Variants in PTPRE observed in about 807,000 individuals in gnomAD.
PTPRE encodes the protein receptor-type tyrosine-protein phosphatase epsilon.
A neutral mutation model predicts 102.0 loss-of-function variants in PTPRE; 51 were observed. The observed-to-expected ratio is 0.50, with a 90% confidence interval of 0.40 to 0.63. The LOEUF (loss-of-function observed/expected upper bound fraction) is 0.63, where lower values mean the gene tolerates loss of function less well. PTPRE is among the 30% of genes least tolerant of loss of function. The probability of loss-of-function intolerance (pLI) is 0.00; values close to 1 mark genes in which losing one functional copy is unlikely to be tolerated. For synonymous variants in PTPRE, 345 were observed against 348.2 expected (o/e 0.99, Z 0.10); for missense variants, 752 against 915.1 (o/e 0.82, Z 2.30).
At chr10:127,993,945 G>C (rs532660611) in intron 2 of PTPRE, among the ~76,000 whole-genome samples, 1 of 152,262 alleles carries the variant, frequency 6.6e-6, no homozygotes, top group East Asian at 1.9e-4. Context: ...GCAGGAAGTG[G>C]ACAGTCAAGA....
chr10:127,973,598 A>C (rs1042468428), intron 1 of PTPRE, among the ~76,000 whole-genome samples: 3 of 152,106 alleles, frequency 2.0e-5, no homozygotes, highest in Non-Finnish European at 4.4e-5. Context: ...AATTTTCAGA[A>C]TCTTCCTGAG....
rs578133959 is a variant in PTPRE, at chr10:128,067,192, GCA to G, written c.844-924_844-923del. On this transcript the variant is annotated intron_variant, in intron 11 of 20. Coordinates refer to ENST00000254667, the MANE Select transcript of PTPRE (RefSeq NM_006504.6). ...CACACATGCACACATTCACACATGT[GCA>G]CACACATACACCCACACACATTCAC... 6.4e-3 allele frequency among the ~76,000 whole-genome samples: 801 copies of G among 125,076 alleles called. 5 individuals carry two copies. Among genetic ancestry groups the G allele is most frequent in the Middle Eastern group, 0.037 (8 of 214 alleles). 82.1% of individuals were successfully genotyped at this position (125,076 alleles called of 152,430 possible). A position where few individuals can be genotyped will look rare whatever the true frequency, so the allele number is the denominator to read the frequency against.
chr10:128,001,747 G>A (rs1377981734), intron 2 of PTPRE, among the ~76,000 whole-genome samples: 1 of 152,196 alleles, frequency 6.6e-6, no homozygotes, highest in Non-Finnish European at 1.5e-5. Flanking sequence ...TAACGTATGG[G>A]AAGGTTCTTA....
chr10:128,031,439 A>G (rs1028927728), intron 2 of PTPRE, among the ~76,000 whole-genome samples: 2 of 152,100 alleles, frequency 1.3e-5, no homozygotes, highest in East Asian at 1.9e-4. Context: ...CAACACTTCC[A>G]TTGTTTCACA....
At chr10:128,033,740 G>A (rs1185820586) in intron 2 of PTPRE, among the ~76,000 whole-genome samples, 1 of 152,190 alleles carries the variant, frequency 6.6e-6, no homozygotes, top group South Asian at 2.1e-4. Flanking sequence ...CGCCTCCCGG[G>A]TTCAAGCGAT....
chr10:127,953,059 A>C (rs1418102555), intron 1 of PTPRE, among the ~76,000 whole-genome samples: 1 of 152,126 alleles, frequency 6.6e-6, no homozygotes, highest in African/African-American at 2.4e-5. Flanking sequence ...TGCCTAGTGA[A>C]ACTATTTGGA....
intron 1 of PTPRE, among the ~76,000 whole-genome samples, chr10:127,910,236 C>G (rs189056274): frequency 2.0e-4 from 31 of 152,246 alleles, no homozygotes; most frequent in Admixed American, 3.9e-4. Context: ...ATGGCTTTGT[C>G]TTCCATAAAG....
intron 10 of PTPRE, among the ~76,000 whole-genome samples, chr10:128,064,134 G>A (rs1372081152): frequency 6.6e-6 from 1 of 152,198 alleles, no homozygotes; most frequent in African/African-American, 2.4e-5. Context: ...TTTTAGATGG[G>A]AGTACCAGGC....
chr10:128,061,547 C>A, intron 8 of PTPRE, 132 bp from the exon 9 acceptor site: 1 of 1,124,336 alleles, frequency 8.9e-7, no homozygotes. Context: ...GTTTTCTTTC[C>A]TTCTTAACCT....
chr10:128,002,665 T>C (rs1464556397), intron 2 of PTPRE, among the ~76,000 whole-genome samples: 2 of 148,990 alleles, frequency 1.3e-5, no homozygotes, highest in Non-Finnish European at 3.0e-5. Context: ...GTCTTTGCAG[T>C]GTTTGGGAGT....
intron 5 of PTPRE, among the ~76,000 whole-genome samples, chr10:128,049,006 C>T (rs1318566735): frequency 2.6e-5 from 4 of 152,164 alleles, no homozygotes; most frequent in African/African-American, 7.2e-5. Flanking sequence ...TCTCAATGCC[C>T]CTTGTCACCC....
At position 127,907,291 on chromosome 10, in the gene PTPRE, C is replaced by A; in HGVS notation, c.-49C>A. ...CTCCGCTGCAGCGCGATCTGCGCGA[C>A]CAGACCGGCCCCCCCGAGGTGAGCG... On this transcript the variant is annotated 5_prime_UTR_variant, in exon 1 of 21. Coordinates refer to ENST00000254667, the MANE Select transcript of PTPRE (RefSeq NM_006504.6). The surrounding 1 kb of genome is among the most constrained non-coding windows in gnomAD (Gnocchi z 4.8). 1.0e-6 allele frequency: 1 copy of A among 984,742 alleles called. No homozygotes were observed. The highest frequency in any genetic ancestry group is 1.1e-4 in the East Asian group (1 of 8,716). The allele number at this position is 984,742 out of a possible 1,614,324, so 61.0% of individuals were successfully genotyped here.
Position 128,083,066 on chromosome 10 carries a change from A to T in PTPRE, c.*160A>T, listed in dbSNP as rs988912642. The T allele has an allele frequency of 3.5e-6, 2 of 573,946 alleles. No individual in the cohort carries two copies. The highest frequency in any genetic ancestry group is 5.3e-6 in the Non-Finnish European group (2 of 377,712). The allele number at this position is 573,946 out of a possible 1,614,324, so 35.6% of individuals were successfully genotyped here. ...CTGCTATACAGTTGTTAAATCTTAAATATGCTTTTTAAAAATTGGAATAAT... is the reference window on the plus strand; with the variant it reads ...CTGCTATACAGTTGTTAAATCTTAATTATGCTTTTTAAAAATTGGAATAAT... On this transcript the variant is annotated 3_prime_UTR_variant, in exon 21 of 21. Transcript: ENST00000254667.
chr10:127,941,762 C>T (rs1209754355), intron 1 of PTPRE, among the ~76,000 whole-genome samples: 1 of 152,128 alleles, frequency 6.6e-6, no homozygotes, highest in East Asian at 1.9e-4. Flanking sequence ...ACTCCCACCC[C>T]CTCCATCTCA....
At chr10:127,949,070 C>T (rs1409720634) in intron 1 of PTPRE, among the ~76,000 whole-genome samples, 3 of 152,244 alleles carry the variant, frequency 2.0e-5, no homozygotes, top group East Asian at 3.8e-4. Flanking sequence ...AGTGCCCCAC[C>T]CTCAATCCAT....
intron 2 of PTPRE, among the ~76,000 whole-genome samples, chr10:128,038,935 C>T (rs529858318): frequency 2.6e-4 from 40 of 152,268 alleles, no homozygotes; most frequent in African/African-American, 7.9e-4. Context: ...TGAGCACTTC[C>T]GGACCTCAGT....
intron 18 of PTPRE, among the ~76,000 whole-genome samples, chr10:128,077,173 CCAAA>C (rs1431723486): frequency 2.6e-5 from 4 of 152,160 alleles, no homozygotes; most frequent in African/African-American, 9.7e-5. Flanking sequence ...ATGCTGAGCT[CCAAA>C]CAGTCAGTAT....
intron 3 of PTPRE, among the ~76,000 whole-genome samples, chr10:128,044,712 C>T (rs942259561): frequency 2.0e-5 from 3 of 152,156 alleles, no homozygotes; most frequent in African/African-American, 7.2e-5. Flanking sequence ...CTCTGTCCCA[C>T]CCCGTCAGAG....
intron 2 of PTPRE, among the ~76,000 whole-genome samples, chr10:127,992,369 C>T (rs969635878): frequency 1.3e-5 from 2 of 152,148 alleles, no homozygotes; most frequent in Non-Finnish European, 2.9e-5. Context: ...CTAGGGTTCT[C>T]GCCATCCAGG....
Sources: allele counts gnomAD v4.1 joint callset (sites outside exome capture counted in the v4.1 genomes callset), GRCh38; gene constraint gnomAD v4.1.1; non-coding constraint Gnocchi (gnomAD v3.1); transcripts MANE v1.5; gene names NCBI Gene and HGNC (gene_info 2026-07-23, HGNC 2026-07-21).